The following KLHL32 variants were observed in gnomAD, a reference collection of about 807,000 sequenced individuals.
KLHL32 encodes kelch-like protein 32.
A neutral mutation model predicts 64.8 loss-of-function variants in KLHL32; 35 were observed. The ratio of observed to expected loss-of-function variants is 0.54; its 90% confidence interval spans 0.41 to 0.72. The LOEUF is 0.72. KLHL32 is among the 30% of genes least tolerant of loss of function. KLHL32 has a pLI of 0.00. For synonymous variants in KLHL32, 259 were observed against 281.0 expected (o/e 0.92, Z 0.78); for missense variants, 589 against 768.5 (o/e 0.77, Z 2.76).
intron 3 of KLHL32, among the ~76,000 whole-genome samples, chr6:96,983,084 C>T (rs552691033): frequency 6.6e-6 from 1 of 152,352 alleles, no homozygotes; most frequent in Admixed American, 6.5e-5. Context: ...GAGTTTTTAG[C>T]ATGAAGCGTT....
intron 1 of KLHL32, among the ~76,000 whole-genome samples, chr6:96,947,078 G>A (rs974240897): frequency 1.3e-5 from 2 of 152,128 alleles, no homozygotes; most frequent in Non-Finnish European, 2.9e-5. Context: ...AGGCTGAGAC[G>A]GCTCCAGCAC....
intron 2 of KLHL32, among the ~76,000 whole-genome samples, chr6:96,970,570 A>G (rs1373251702): frequency 1.3e-5 from 2 of 152,174 alleles, no homozygotes; most frequent in African/African-American, 4.8e-5. Context: ...TGAATGTTCC[A>G]TGAGGGCTGC....
At chr6:97,058,808 GGA>G (rs1788420250) in intron 4 of KLHL32, among the ~76,000 whole-genome samples, 1 of 151,762 alleles carries the variant, frequency 6.6e-6, no homozygotes, top group Admixed American at 6.6e-5. Context: ...TTGCCAAGCA[GGA>G]AAATACAAGG....
chr6:97,004,481 C>G (rs1250627661), intron 3 of KLHL32, among the ~76,000 whole-genome samples: 1 of 152,024 alleles, frequency 6.6e-6, no homozygotes, highest in African/African-American at 2.4e-5. Flanking sequence ...TTTCTATTTC[C>G]TGATTGTTCT....
chr6:96,931,557 G>A (rs530323827), intron 1 of KLHL32, among the ~76,000 whole-genome samples: 22 of 152,290 alleles, frequency 1.4e-4, no homozygotes, highest in Admixed American at 1.4e-3. Flanking sequence ...ACCTGGTATG[G>A]ATGTATGCAT....
intron 6 of KLHL32, among the ~76,000 whole-genome samples, chr6:97,102,085 G>A (rs547709897): frequency 6.6e-6 from 1 of 152,294 alleles, no homozygotes; most frequent in African/African-American, 2.4e-5. Context: ...GTTTTGCTGA[G>A]TATCAGTATG....
chr6:97,085,006 C>T, intron 5 of KLHL32, 120 bp from the exon 6 acceptor site: 2 of 710,752 alleles, frequency 2.8e-6, no homozygotes, highest in South Asian at 1.8e-5. Flanking sequence ...TTATACTAGC[C>T]CTCCCATTTC....
chr6:97,125,669 G>A (rs1249275559), intron 7 of KLHL32, among the ~76,000 whole-genome samples: 2 of 152,122 alleles, frequency 1.3e-5, no homozygotes, highest in Admixed American at 6.6e-5. Flanking sequence ...TGTGTTTGGT[G>A]CAAATTGGTG....
chr6:97,043,114 G>A (rs1785379148), intron 4 of KLHL32, among the ~76,000 whole-genome samples: 1 of 152,204 alleles, frequency 6.6e-6, no homozygotes, highest in South Asian at 2.1e-4. Flanking sequence ...AGATGCTGGA[G>A]CTATGTTTCT....
rs566037608 is a variant in KLHL32, at chr6:96,938,140, A to G, written c.-66+13114A>G. Among the ~76,000 whole-genome samples, 11 of 152,348 alleles carry G rather than the reference A, an allele frequency of 7.2e-5. No individual in the cohort carries two copies. In the South Asian group the frequency reaches 2.3e-3, roughly 32 times the overall value. On this transcript the variant is annotated intron_variant, in intron 1 of 10. Transcript: ENST00000369261. ...AGTTGACTATTTGAAGAAATCCAGT[A>G]ACTTATCTGTATATGTTTTCCTAAG...
intron 3 of KLHL32, among the ~76,000 whole-genome samples, chr6:97,031,624 C>A (rs1783567636): frequency 6.6e-6 from 1 of 152,070 alleles, no homozygotes. Context: ...AGTCATGACC[C>A]ACGGTGCCTG....
the KLHL32 span, among the ~76,000 whole-genome samples, chr6:96,903,146 A>T: frequency 6.6e-6 from 1 of 152,150 alleles, no homozygotes; most frequent in South Asian, 2.1e-4. Flanking sequence ...GTTCCTTGAG[A>T]ATATAAAATC....
intron 2 of KLHL32, among the ~76,000 whole-genome samples, chr6:96,973,741 T>TTTTTTTTTTTTTTTTTTTTG (rs3032640): frequency 2.7e-5 from 4 of 149,544 alleles, no homozygotes; most frequent in South Asian, 2.1e-4. Context: ...TTTTTTTTTT[T>TTTTTTTTTTTTTTTTTTTTG]AGACAGAGTC....
chr6:96,915,657 A>G, the KLHL32 span, among the ~76,000 whole-genome samples: 1 of 152,162 alleles, frequency 6.6e-6, no homozygotes, highest in Non-Finnish European at 1.5e-5. Context: ...ATGGAGTAAA[A>G]AAAAAAAGGG....
chr6:97,119,972 A>G (rs1416314344), intron 7 of KLHL32, among the ~76,000 whole-genome samples: 2 of 152,072 alleles, frequency 1.3e-5, no homozygotes, highest in East Asian at 3.9e-4. Flanking sequence ...GAGGTGAAGG[A>G]GGGATTTTGT....
rs969110221 is a variant in KLHL32 at position 97,025,198 on chromosome 6, C to G, written c.205-16294C>G. 5 of 852,374 alleles carry G rather than the reference C, an allele frequency of 5.9e-6. No individual in the cohort carries two copies. The African/African-American group carries it at 9.2e-5, about 16-fold the overall frequency. 52.8% of individuals were successfully genotyped at this position (852,374 alleles called of 1,614,324 possible). On this transcript the variant is annotated intron_variant, in intron 3 of 10. Coordinates refer to ENST00000369261, the MANE Select transcript of KLHL32 (RefSeq NM_052904.4). ...GTAGAAATGCCATGATTCTGTTTAT[C>G]GTCTTTGTAAAAATCTGATTTGGAA... is the stretch of plus-strand genomic sequence containing the variant.
intron 5 of KLHL32, among the ~76,000 whole-genome samples, chr6:97,078,944 CTA>C (rs1005083329): frequency 6.4e-4 from 97 of 152,174 alleles, no homozygotes; most frequent in African/African-American, 2.3e-3. Flanking sequence ...AAAACTAAGA[CTA>C]TGTTTCAGAA....
chr6:97,124,898 G>T (rs1285400134), intron 7 of KLHL32, among the ~76,000 whole-genome samples: 2 of 152,188 alleles, frequency 1.3e-5, no homozygotes, highest in Non-Finnish European at 2.9e-5. Flanking sequence ...GAAAGGGAAG[G>T]TTGGGAGTAA....
chr6:97,030,419 T>C (rs756493269), intron 3 of KLHL32, among the ~76,000 whole-genome samples: 2 of 152,200 alleles, frequency 1.3e-5, no homozygotes, highest in African/African-American at 2.4e-5. Flanking sequence ...ACACCATAAA[T>C]CCACACCTCC....
Sources: gnomAD v4.1 joint callset for allele counts (sites outside exome capture counted in the v4.1 genomes callset) on GRCh38, gnomAD v4.1.1 for gene constraint, MANE v1.5 for transcripts, NCBI Gene and HGNC (gene_info 2026-07-23, HGNC 2026-07-21) for gene names.